The following GTF2H2 variants were observed in gnomAD, a reference collection of about 807,000 sequenced individuals.
GTF2H2 encodes TFIIH basal transcription factor complex p44 subunit.
Under a neutral mutation model 16.5 loss-of-function variants are expected in GTF2H2, and 2 were observed. That is an observed-to-expected ratio of 0.12 (90% CI 0.05 to 0.38). The LOEUF is 0.38. Ranked by LOEUF, GTF2H2 falls within the 10% of genes least tolerant of loss-of-function variation. The pLI, the probability that GTF2H2 is intolerant of heterozygous loss-of-function variation, is 0.99. For missense variants in GTF2H2, 20 were observed against 137.0 expected (o/e 0.15, Z 4.26); for synonymous variants, 8 against 44.1 (o/e 0.18, Z 3.24).
intron 14 of GTF2H2, among the ~76,000 whole-genome samples, chr5:71,039,573 A>G (rs1415369789): frequency 6.8e-6 from 1 of 147,158 alleles, no homozygotes; most frequent in Non-Finnish European, 1.5e-5. Flanking sequence ...TTTTTCTCGT[A>G]TCATTCTCAT....
At position 71,051,036 on chromosome 5, in the gene GTF2H2, G is replaced by A. The variant is rs534900152; in HGVS notation, c.471-1878C>T. 4.2e-5 allele frequency among the ~76,000 whole-genome samples: 6 copies of A among 142,538 alleles called. 1 individual carries two copies. The highest frequency in any genetic ancestry group is 5.3e-5 in the African/African-American group (2 of 37,518). The allele number at this position is 142,538 out of a possible 152,430, so 93.5% of individuals were successfully genotyped here. The stretch of plus-strand genomic sequence containing the variant: ...TAATTTTTGTATTTTTAGTGAGGAC[G>A]GGGTTTCACCATGTTGGCCAGACTA... On this transcript the variant is annotated intron_variant, in intron 8 of 15. Coordinates refer to ENST00000274400, the Ensembl canonical transcript of GTF2H2.
Position 71,057,449 on chromosome 5 carries a change from CTTCT to C in GTF2H2, c.365-1996_365-1993del, listed in dbSNP as rs1204853963. Among the ~76,000 whole-genome samples, 4 of 142,546 alleles carry C rather than the reference CTTCT, an allele frequency of 2.8e-5. 1 individual carries two copies. The highest frequency in any genetic ancestry group is 7.9e-5 in the African/African-American group (3 of 37,752). The allele number at this position is 142,546 out of a possible 152,430, so 93.5% of individuals were successfully genotyped here. ...TGGGTTTCTTCTGTGTGAATCATGT[CTTCT>C]TTGTCTATTCATCAACTTGGAGCTC... On this transcript the variant is annotated intron_variant, in intron 7 of 15. Coordinates refer to ENST00000274400, the Ensembl canonical transcript of GTF2H2.
intron 8 of GTF2H2, chr5:71,054,891 C>T (rs1753082901): frequency 7.4e-6 from 1 of 134,238 alleles, no homozygotes; most frequent in Non-Finnish European, 1.6e-5. Flanking sequence ...TTAACTATAC[C>T]AAGTATTTCC....
intron 8 of GTF2H2, among the ~76,000 whole-genome samples, chr5:71,054,712 CGTGTGTGTGTGTGT>C (rs750011504): frequency 5.7e-5 from 6 of 105,290 alleles, no homozygotes; most frequent in African/African-American, 1.2e-4. Context: ...TATATATATA[CGTGTGTGTGTGTGT>C]GTGTGTGTGT....
intron 8 of GTF2H2, among the ~76,000 whole-genome samples, chr5:71,053,372 C>T (rs1205864851): frequency 2.8e-5 from 4 of 141,632 alleles, no homozygotes; most frequent in East Asian, 2.0e-4. Context: ...TCAGAACACA[C>T]GTAACACTTA....
chr5:71,053,413 A>C (rs1752926219), intron 8 of GTF2H2, among the ~76,000 whole-genome samples: 1 of 138,480 alleles, frequency 7.2e-6, no homozygotes, highest in African/African-American at 2.8e-5. Context: ...ATATGGGCGC[A>C]GTTTGTGGTG....
chr5:71,054,674 C>T (rs1580990613), intron 8 of GTF2H2, among the ~76,000 whole-genome samples: 1 of 135,166 alleles, frequency 7.4e-6, no homozygotes, highest in Admixed American at 7.6e-5. Flanking sequence ...GCCTGGGTGA[C>T]AGAGCAAGAC....
chr5:71,050,852 C>CT (rs1257951533), intron 8 of GTF2H2, among the ~76,000 whole-genome samples: 1 of 79,546 alleles, frequency 1.3e-5, no homozygotes, highest in Non-Finnish European at 2.5e-5. Context: ...ATGGGCTATT[C>CT]TTTTTTTGTT....
Position 71,048,750 on chromosome 5 carries a change from T to TTA in GTF2H2, c.649+10_649+11dup, listed in dbSNP as rs1210372312. 1.5e-5 allele frequency: 6 copies of TTA among 412,838 alleles called. No homozygotes were observed. The African/African-American group carries it at 1.8e-4, about 12-fold the overall frequency. The allele number at this position is 412,838 out of a possible 1,614,324, so 25.6% of individuals were successfully genotyped here. A position where few individuals can be genotyped will look rare whatever the true frequency, so the allele number is the denominator to read the frequency against. On this transcript the variant is annotated intron_variant, in intron 10 of 15. Transcript: ENST00000274400. ...TAATTATAAGCAAATATTAAATAAA[T>TTA]TATATATATACCACCAGTTTCACGA...
In GTF2H2 at chr5:71,055,460, A is replaced by T. The variant is rs1291682843; in HGVS notation, c.365-3T>A. ...CGTTATATGTTTTCTTGGGTTTCCT[A>T]AAATAGAAATAAGATCTTTAAATAA... On this transcript the variant is annotated splice_polypyrimidine_tract_variant and splice_region_variant and intron_variant, in intron 7 of 15. Transcript: ENST00000274400. The T allele has an allele frequency of 6.6e-7, 1 of 1,525,802 alleles. No homozygotes were observed. The highest frequency in any genetic ancestry group is 1.5e-5 in the African/African-American group (1 of 64,522). The allele number at this position is 1,525,802 out of a possible 1,614,324, so 94.5% of individuals were successfully genotyped here.
At chr5:71,036,098 C>T (rs376780032) in intron 15 of GTF2H2, among the ~76,000 whole-genome samples, 2,566 of 63,318 alleles carry the variant, frequency 0.041, 971 homozygotes, top group South Asian at 0.14. Context: ...TTCAAACCAG[C>T]GCTACTTTTG....
intron 8 of GTF2H2, among the ~76,000 whole-genome samples, chr5:71,054,092 G>C (rs1399354666): frequency 3.6e-5 from 5 of 140,504 alleles, no homozygotes; most frequent in African/African-American, 1.4e-4. Flanking sequence ...GATAAGGGGG[G>C]ATTACTATAA....
chr5:71,047,000 A>C (rs1381459062), intron 11 of GTF2H2, among the ~76,000 whole-genome samples: 1 of 64,904 alleles, frequency 1.5e-5, no homozygotes, highest in East Asian at 5.5e-4. Flanking sequence ...CAAAACCAAT[A>C]ATTTCCCCTC....
intron 8 of GTF2H2, among the ~76,000 whole-genome samples, chr5:71,054,403 A>C (rs1163070484): frequency 2.1e-5 from 3 of 146,198 alleles, no homozygotes; most frequent in Non-Finnish European, 3.0e-5. Context: ...ATATAAAGGT[A>C]TAAGTCTGAG....
In GTF2H2 at chr5:71,054,137, A is replaced by T. The variant is rs1044352721; in HGVS notation, c.470+1215T>A. ...ACAGTAATTCAGAGTCATAATAATC[A>T]TGAACATTAATATTGCATACCATTT... On this transcript the variant is annotated intron_variant, in intron 8 of 15. Transcript: ENST00000274400. 2.1e-5 allele frequency among the ~76,000 whole-genome samples: 3 copies of T among 144,256 alleles called. No individual in the cohort carries two copies. In the Admixed American group the frequency reaches 2.1e-4, roughly 10 times the overall value. The allele number at this position is 144,256 out of a possible 152,430, so 94.6% of individuals were successfully genotyped here.
chr5:71,054,401 G>A (rs1459009735), intron 8 of GTF2H2, among the ~76,000 whole-genome samples: 2 of 145,728 alleles, frequency 1.4e-5, no homozygotes, highest in East Asian at 2.0e-4. Context: ...TTATATAAAG[G>A]TATAAGTCTG....
At chr5:71,054,142 C>T (rs1752990279) in intron 8 of GTF2H2, among the ~76,000 whole-genome samples, 1 of 144,044 alleles carries the variant, frequency 6.9e-6, no homozygotes. Context: ...TAATCATGAA[C>T]ATTAATATTG....
At chr5:71,047,067 C>T (rs1177009020) in intron 11 of GTF2H2, among the ~76,000 whole-genome samples, 1 of 86,954 alleles carries the variant, frequency 1.2e-5, no homozygotes, top group Non-Finnish European at 2.4e-5. Flanking sequence ...GTTTGCATTA[C>T]ACAGCTTTGA....
At chr5:71,057,369 T>A (rs1580998751) in intron 7 of GTF2H2, among the ~76,000 whole-genome samples, 1 of 142,236 alleles carries the variant, frequency 7.0e-6, no homozygotes, top group East Asian at 2.0e-4. Context: ...AAAAATAAAA[T>A]GTTATGTAAT....
Sources: allele counts gnomAD v4.1 joint callset (sites outside exome capture counted in the v4.1 genomes callset), GRCh38; gene constraint gnomAD v4.1.1; transcripts MANE v1.5; gene names NCBI Gene and HGNC (gene_info 2026-07-23, HGNC 2026-07-21).